Variants in TRDN observed in about 807,000 individuals in gnomAD.
TRDN encodes the protein triadin.
A neutral mutation model predicts 149.7 loss-of-function variants in TRDN; 161 were observed. The ratio of observed to expected loss-of-function variants is 1.08; its 90% CI spans 0.95 to 1.23. The LOEUF is 1.23. Among genes scored for constraint, TRDN ranks in the 50% most tolerant of loss-of-function variants. The pLI is 0.00. For missense variants in TRDN, 896 were observed against 823.5 expected (o/e 1.09, Z -1.08); for synonymous variants, 294 against 250.5 (o/e 1.17, Z -1.64).
intron 4 of TRDN, among the ~76,000 whole-genome samples, chr6:123,536,967 T>G (rs868233534): frequency 6.6e-6 from 1 of 152,060 alleles, no homozygotes; most frequent in African/African-American, 2.4e-5. Context: ...TTTTTTCATG[T>G]ACTGTTTTTT....
intron 19 of TRDN, among the ~76,000 whole-genome samples, chr6:123,366,648 G>T (rs1308050033): frequency 2.0e-5 from 3 of 152,010 alleles, no homozygotes; most frequent in Non-Finnish European, 2.9e-5. Context: ...CTCCCGAGTA[G>T]CTGGGACTAC....
chr6:123,593,357 G>GCTTA (rs535408291), intron 1 of TRDN, among the ~76,000 whole-genome samples: 138 of 152,246 alleles, frequency 9.1e-4, no homozygotes, highest in Middle Eastern at 6.8e-3. Context: ...TATGAGTAGG[G>GCTTA]CTTAACAAAA....
intron 24 of TRDN, among the ~76,000 whole-genome samples, chr6:123,308,509 G>T (rs1778697910): frequency 6.6e-6 from 1 of 151,624 alleles, no homozygotes; most frequent in African/African-American, 2.4e-5. Context: ...TTTTTCTCAG[G>T]TTTGAAGAAC....
intron 21 of TRDN, among the ~76,000 whole-genome samples, chr6:123,344,930 T>C (rs1780198288): frequency 6.6e-6 from 1 of 152,050 alleles, no homozygotes; most frequent in South Asian, 2.1e-4. Flanking sequence ...TTTTGTATTG[T>C]TAGTGTTTTG....
At chr6:123,554,117 CTAA>C (rs1781531796) in intron 2 of TRDN, among the ~76,000 whole-genome samples, 1 of 152,048 alleles carries the variant, frequency 6.6e-6, no homozygotes, top group Non-Finnish European at 1.5e-5. Context: ...CATGAAACAA[CTAA>C]TGTTTGCCCC....
chr6:123,539,810 T>C (rs148364149), intron 4 of TRDN, among the ~76,000 whole-genome samples: 362 of 152,344 alleles, frequency 2.4e-3, no homozygotes, highest in African/African-American at 8.5e-3. Context: ...TATCTTTGAC[T>C]GTCTAACTCA....
intron 1 of TRDN, among the ~76,000 whole-genome samples, chr6:123,575,834 A>G (rs1408582370): frequency 2.0e-5 from 3 of 152,156 alleles, no homozygotes; most frequent in Non-Finnish European, 4.4e-5. Flanking sequence ...TCAGATGAAG[A>G]AACTGCCAAG....
intron 23 of TRDN, among the ~76,000 whole-genome samples, chr6:123,331,268 C>T (rs769386613): frequency 2.6e-5 from 4 of 151,930 alleles, no homozygotes; most frequent in Non-Finnish European, 5.9e-5. Context: ...TACTTCAAGC[C>T]TATCACAATG....
At chr6:123,447,956 C>T (rs561532196) in intron 10 of TRDN, among the ~76,000 whole-genome samples, 18 of 152,128 alleles carry the variant, frequency 1.2e-4, no homozygotes, top group South Asian at 4.2e-4. Flanking sequence ...CCTCTTCTCC[C>T]GAATACACAC....
At chr6:123,597,106 T>C (rs77927925) in intron 1 of TRDN, among the ~76,000 whole-genome samples, 4,686 of 152,228 alleles carry the variant, frequency 0.031, 96 homozygotes, top group Non-Finnish European at 0.046. Context: ...CTATATGCCA[T>C]CAAAAACATT....
intron 24 of TRDN, among the ~76,000 whole-genome samples, chr6:123,296,699 G>C (rs1364921716): frequency 6.6e-6 from 1 of 151,866 alleles, no homozygotes; most frequent in Non-Finnish European, 1.5e-5. Context: ...TATCAAATGT[G>C]CTGTAAAAAG....
intron 9 of TRDN, among the ~76,000 whole-genome samples, chr6:123,487,679 CTGATGTT>C (rs1377567824): frequency 6.6e-6 from 1 of 152,054 alleles, no homozygotes; most frequent in Non-Finnish European, 1.5e-5. Flanking sequence ...GTATTATTGT[CTGATGTT>C]TGCCAATTTT....
chr6:123,432,139 C>A (rs1267057100), intron 12 of TRDN, among the ~76,000 whole-genome samples: 1 of 152,116 alleles, frequency 6.6e-6, no homozygotes, highest in Non-Finnish European at 1.5e-5. Flanking sequence ...CAGTGTAAAG[C>A]TCTAATGGGG....
At chr6:123,484,283 G>A (rs185898061) in intron 9 of TRDN, among the ~76,000 whole-genome samples, 51 of 152,100 alleles carry the variant, frequency 3.4e-4, no homozygotes, top group African/African-American at 1.1e-3. Context: ...TAAGAAAAGG[G>A]GTAAGAACTA....
chr6:123,584,848 C>G (rs144534839), intron 1 of TRDN, among the ~76,000 whole-genome samples: 2 of 152,014 alleles, frequency 1.3e-5, no homozygotes, highest in African/African-American at 4.8e-5. Flanking sequence ...TTTGGAACCA[C>G]GGGGTGGATA....
intron 1 of TRDN, among the ~76,000 whole-genome samples, chr6:123,578,365 C>G (rs926614861): frequency 2.0e-5 from 3 of 152,120 alleles, no homozygotes; most frequent in African/African-American, 4.8e-5. Context: ...AGCCAGTTAT[C>G]CCAGCATCAT....
chr6:123,272,927 A>G, intron 29 of TRDN, 37 bp downstream of exon 29: 1 of 1,397,376 alleles, frequency 7.2e-7, no homozygotes, highest in Non-Finnish European at 9.7e-7. Context: ...GAACATTGAG[A>G]GGTTATTTGA....
At chr6:123,540,882 A>C (rs191530966) in intron 4 of TRDN, among the ~76,000 whole-genome samples, 359 of 152,334 alleles carry the variant, frequency 2.4e-3, no homozygotes, top group African/African-American at 8.1e-3. Flanking sequence ...TCTGACACAC[A>C]AAGTTGAGAA....
At chr6:123,578,649 G>C (rs191259484) in intron 1 of TRDN, among the ~76,000 whole-genome samples, 1 of 152,028 alleles carries the variant, frequency 6.6e-6, no homozygotes. Context: ...CCCTTATTTT[G>C]GTTTTATACA....
Sources: allele counts gnomAD v4.1 joint callset (sites outside exome capture counted in the v4.1 genomes callset), GRCh38; gene constraint gnomAD v4.1.1; transcripts MANE v1.5; gene names NCBI Gene and HGNC (gene_info 2026-07-23, HGNC 2026-07-21).